LRRC4C: variants seen among roughly 807,000 people sequenced by gnomAD.
LRRC4C encodes leucine-rich repeat-containing protein 4C.
In LRRC4C, 5 loss-of-function variants were observed where a neutral mutation model predicts 33.6. The observed-to-expected ratio is 0.15, with a 90% CI of 0.08 to 0.31. The LOEUF (loss-of-function observed/expected upper bound fraction) is 0.31, where lower values mean the gene tolerates loss of function less well. Among genes scored for constraint, LRRC4C ranks in the 10% least tolerant of loss-of-function variants. LRRC4C has a pLI of 1.00. For synonymous variants in LRRC4C, 329 were observed against 302.0 expected (o/e 1.09, Z -0.93); for missense variants, 560 against 796.7 (o/e 0.70, Z 3.58).
intron 3 of LRRC4C, among the ~76,000 whole-genome samples, chr11:40,378,812 C>T (rs1948754697): frequency 6.6e-6 from 1 of 152,108 alleles, no homozygotes; most frequent in Admixed American, 6.6e-5. Flanking sequence ...TATAGATCCT[C>T]TGCTATACTT....
At chr11:40,947,117 C>T (rs1316437490) in intron 1 of LRRC4C, among the ~76,000 whole-genome samples, 2 of 152,026 alleles carry the variant, frequency 1.3e-5, no homozygotes, top group African/African-American at 4.8e-5. Flanking sequence ...TTTGGAAATA[C>T]AGGCTAATAG....
chr11:40,275,565 C>T (rs914426845), intron 4 of LRRC4C, among the ~76,000 whole-genome samples: 2 of 152,074 alleles, frequency 1.3e-5, no homozygotes, highest in African/African-American at 4.8e-5. Flanking sequence ...ACCTTGAGCT[C>T]TAAATTACCG....
At chr11:41,123,249 G>T (rs1219370301) in intron 1 of LRRC4C, among the ~76,000 whole-genome samples, 1 of 140,474 alleles carries the variant, frequency 7.1e-6, no homozygotes. Context: ...TCTCTATCCT[G>T]AGCTATGTTT....
At chr11:40,812,777 A>C (rs1211159012) in intron 2 of LRRC4C, among the ~76,000 whole-genome samples, 2 of 152,192 alleles carry the variant, frequency 1.3e-5, no homozygotes, top group East Asian at 3.9e-4. Flanking sequence ...TTAACATTAG[A>C]ATAATCAAAG....
chr11:40,729,185 G>T (rs76551587), intron 2 of LRRC4C, among the ~76,000 whole-genome samples: 2,016 of 152,224 alleles, frequency 0.013, 19 homozygotes, highest in Non-Finnish European at 0.02. Flanking sequence ...TGCATGTTCA[G>T]TTGGTTCCAG....
rs149186114 is a variant in LRRC4C, at chr11:40,770,296, A to T, written c.-406-122018T>A. 1.3e-3 allele frequency among the ~76,000 whole-genome samples: 194 copies of T among 152,288 alleles called. 2 individuals carry two copies. Among genetic ancestry groups the T allele is most frequent in the Non-Finnish European group, 1.7e-3 (117 of 68,026 alleles). ...GGAGATAGGAGTGCAGAGTGAAGGC[A>T]GAGAAGCCCCTTATAAAACCATCAG... On this transcript the variant is annotated intron_variant, in intron 2 of 6. Transcript: ENST00000528697.
chr11:40,833,577 T>C (rs936118909), intron 2 of LRRC4C, among the ~76,000 whole-genome samples: 1 of 152,114 alleles, frequency 6.6e-6, no homozygotes, highest in Non-Finnish European at 1.5e-5. Context: ...AAGGACCACA[T>C]GTGACTACTG....
At chr11:40,830,489 AGAGTTC>A (rs1160927323) in intron 2 of LRRC4C, among the ~76,000 whole-genome samples, 5 of 152,134 alleles carry the variant, frequency 3.3e-5, no homozygotes, top group Non-Finnish European at 7.4e-5. Context: ...GTAAGTGGTT[AGAGTTC>A]ATTTTGAGTG....
intron 5 of LRRC4C, among the ~76,000 whole-genome samples, chr11:40,187,926 C>A (rs946209778): frequency 2.6e-5 from 4 of 152,022 alleles, no homozygotes; most frequent in Non-Finnish European, 4.4e-5. Context: ...GGAGAGAGAT[C>A]CTCTGCTAGC....
At chr11:40,212,653 TC>T (rs991922728) in intron 5 of LRRC4C, among the ~76,000 whole-genome samples, 5 of 152,106 alleles carry the variant, frequency 3.3e-5, no homozygotes, top group African/African-American at 1.2e-4. Flanking sequence ...TCTAATAAGC[TC>T]TTTACCTATA....
chr11:41,009,773 T>G lies in LRRC4C; in HGVS notation c.-495-76050A>C, dbSNP rs183992977. Among the ~76,000 whole-genome samples the G allele has an allele frequency of 1.8e-3, 274 of 152,214 alleles. 1 individual carries two copies. Among genetic ancestry groups the G allele is most frequent in the Admixed American group, 2.8e-3 (43 of 15,282 alleles). On this transcript the variant is annotated intron_variant, in intron 1 of 6. Transcript: ENST00000528697. Reference sequence around the variant, plus strand: ...ACTACCCTTTTGGAGAGGCTACACATTTTCCAGTTTATCTCTATTATGGGT... The same window carrying G: ...ACTACCCTTTTGGAGAGGCTACACAGTTTCCAGTTTATCTCTATTATGGGT...
At chr11:41,042,460 A>G (rs1488236652) in intron 1 of LRRC4C, among the ~76,000 whole-genome samples, 1 of 152,188 alleles carries the variant, frequency 6.6e-6, no homozygotes, top group East Asian at 1.9e-4. Flanking sequence ...CAGAACAAAA[A>G]TGAGCCACAT....
At chr11:40,339,251 G>A in intron 3 of LRRC4C, among the ~76,000 whole-genome samples, 1 of 152,030 alleles carries the variant, frequency 6.6e-6, no homozygotes, top group East Asian at 1.9e-4. Flanking sequence ...TCTTTTCTTT[G>A]GACAGTCTAT....
chr11:40,431,598 G>T (rs563917595), intron 3 of LRRC4C, among the ~76,000 whole-genome samples: 8 of 151,626 alleles, frequency 5.3e-5, no homozygotes, highest in African/African-American at 1.9e-4. Flanking sequence ...TAACTTTGGT[G>T]TTAAAAGTCC....
At chr11:41,232,707 G>A (rs1947853557) in intron 1 of LRRC4C, among the ~76,000 whole-genome samples, 1 of 151,350 alleles carries the variant, frequency 6.6e-6, no homozygotes, top group Admixed American at 6.6e-5. Flanking sequence ...ATAATTCAGA[G>A]AGATAAAGTT....
At chr11:40,422,401 A>AT (rs879726109) in intron 3 of LRRC4C, among the ~76,000 whole-genome samples, 10 of 151,986 alleles carry the variant, frequency 6.6e-5, no homozygotes, top group Middle Eastern at 3.4e-3. Context: ...TTTATTTTAC[A>AT]TTTTTTTTCT....
intron 1 of LRRC4C, among the ~76,000 whole-genome samples, chr11:41,214,610 C>T (rs1349491413): frequency 3.8e-5 from 5 of 132,446 alleles, no homozygotes; most frequent in Admixed American, 2.2e-4. Flanking sequence ...ATTAGCCGGG[C>T]GTGGTGGCGG....
intron 5 of LRRC4C, among the ~76,000 whole-genome samples, chr11:40,237,194 G>A (rs1865625275): frequency 6.6e-6 from 1 of 152,190 alleles, no homozygotes; most frequent in Admixed American, 6.5e-5. Flanking sequence ...TATATGTTAG[G>A]TCCAAAGTGA....
At chr11:40,494,320 A>G (rs1418912389) in intron 3 of LRRC4C, among the ~76,000 whole-genome samples, 1 of 152,224 alleles carries the variant, frequency 6.6e-6, no homozygotes, top group Non-Finnish European at 1.5e-5. Context: ...ATTTCTAAAT[A>G]TTCTACAAAG....
Sources: allele counts gnomAD v4.1 joint callset (sites outside exome capture counted in the v4.1 genomes callset), GRCh38; gene constraint gnomAD v4.1.1; transcripts MANE v1.5; gene names NCBI Gene and HGNC (gene_info 2026-07-23, HGNC 2026-07-21).